TPPP3: variants seen among roughly 807,000 people sequenced by gnomAD.
The protein encoded by TPPP3 is tubulin polymerization-promoting protein family member 3.
TPPP3 carries 7 observed loss-of-function variants against 13.1 expected under a neutral mutation model. The observed-to-expected ratio is 0.54, with a 90% CI of 0.30 to 1.01. The LOEUF is 1.01. Among genes scored for constraint, TPPP3 ranks in the 50% least tolerant of loss-of-function variants. The probability of loss-of-function intolerance (pLI) is 0.06; values close to 1 mark genes in which losing one functional copy is unlikely to be tolerated. For missense variants in TPPP3, 185 were observed against 235.0 expected (o/e 0.79, Z 1.39); for synonymous variants, 87 against 93.7 (o/e 0.93, Z 0.41).
chr16:67,391,165 TC>T lies in TPPP3; in HGVS notation c.-6-49del. On this transcript the variant is annotated intron_variant, in intron 1 of 3. Transcript: ENST00000393957. This position sits in a 1 kb window ranked among gnomAD's most constrained non-coding sequence, Gnocchi z 6.3. ...TCTCCCAGCCAATCTGCCCTTCCCC[TC>T]CCCCAAGCCCAGAACATCCCAGCCT... The T allele has an allele frequency of 1.3e-6, 2 of 1,572,240 alleles. No individual in the cohort carries two copies. Among genetic ancestry groups the T allele is most frequent in the Non-Finnish European group, 8.7e-7 (1 of 1,151,458 alleles).
chr16:67,393,494 G>A lies in TPPP3; in HGVS notation c.-121C>T. On this transcript the variant is annotated 5_prime_UTR_variant, in exon 1 of 4. Transcript: ENST00000393957. This position sits in a 1 kb window ranked among gnomAD's most constrained non-coding sequence, Gnocchi z 5.4. The stretch of plus-strand genomic sequence containing the variant: ...TCCGCTCCCTGCCGGCTCCCGGGTG[G>A]GACTGCAGCCCAGGCGGCTCCGCCG... The A allele has an allele frequency of 1.0e-6, 1 of 985,524 alleles. No individual in the cohort carries two copies. The highest frequency in any genetic ancestry group is 1.2e-6 in the Non-Finnish European group (1 of 830,016). 61.0% of individuals were successfully genotyped at this position (985,524 alleles called of 1,614,324 possible). A position where few individuals can be genotyped will look rare whatever the true frequency, so the allele number is the denominator to read the frequency against.
chr16:67,393,068 C>A lies in TPPP3; in HGVS notation c.-7+312G>T. 1.0e-6 allele frequency: 1 copy of A among 981,770 alleles called. No individual in the cohort carries two copies. The highest frequency in any genetic ancestry group is 4.7e-5 in the South Asian group (1 of 21,218). The allele number at this position is 981,770 out of a possible 1,614,324, so 60.8% of individuals were successfully genotyped here. A position where few individuals can be genotyped will look rare whatever the true frequency, so the allele number is the denominator to read the frequency against. On this transcript the variant is annotated intron_variant, in intron 1 of 3. Coordinates refer to ENST00000393957, the MANE Select transcript of TPPP3 (RefSeq NM_015964.4). This position sits in a 1 kb window ranked among gnomAD's most constrained non-coding sequence, Gnocchi z 5.4. The stretch of plus-strand genomic sequence containing the variant: ...CGTGGAAAGATGGATTCTTGGTCAT[C>A]TCAGCGCGGTCAGGTGGCGCTGGGT...
chr16:67,392,674 C>T lies in TPPP3; in HGVS notation c.-7+706G>A, dbSNP rs151035082. On this transcript the variant is annotated intron_variant, in intron 1 of 3. Transcript: ENST00000393957. This position sits in a 1 kb window ranked among gnomAD's most constrained non-coding sequence, Gnocchi z 4.9. The stretch of plus-strand genomic sequence containing the variant: ...ACCACATCCCCCTCCTCCACTGCCA[C>T]CTCCTGACCACACCCTCGGTCTCAG... 2.3e-4 allele frequency among the ~76,000 whole-genome samples: 35 copies of T among 152,148 alleles called. No individual in the cohort carries two copies. The highest frequency in any genetic ancestry group is 8.4e-4 in the African/African-American group (35 of 41,428).
rs147728337 is a variant in TPPP3, at chr16:67,390,868, C to T, written c.188+56G>A. On this transcript the variant is annotated intron_variant, in intron 2 of 3. Transcript: ENST00000393957. The surrounding 1 kb of genome is among the most constrained non-coding windows in gnomAD (Gnocchi z 6.4). ...TTCTTGATGTCCTCCCTGGTTCCAG[C>T]CCCCCAGTTCCCCACCTCCTGGGAA... 9.5e-4 allele frequency: 1,482 copies of T among 1,564,474 alleles called. 16 individuals carry two copies. The African/African-American group carries it at 0.018, about 19-fold the overall frequency.
chr16:67,391,402 C>T lies in TPPP3; in HGVS notation c.-6-285G>A. ...CCCACAGGGAACAGAGTGGCACTGT[C>T]CAGAAAGACTGTTAGGGCAGCAGCT... On this transcript the variant is annotated intron_variant, in intron 1 of 3. Transcript: ENST00000393957. The surrounding 1 kb of genome is among the most constrained non-coding windows in gnomAD (Gnocchi z 6.3). 1 of 360,384 alleles carries T rather than the reference C, an allele frequency of 2.8e-6. No homozygotes were observed. The highest frequency in any genetic ancestry group is 2.1e-5 in the African/African-American group (1 of 48,432). The allele number at this position is 360,384 out of a possible 1,614,324, so 22.3% of individuals were successfully genotyped here.
rs1307767543 is a variant in TPPP3 at position 67,390,229 on chromosome 16, C to T, written c.476G>A (p.Gly159Asp). The change falls in exon 4 of 4, where the codon GGC becomes GAC. Residue 159 changes from glycine (G) to aspartate (D), a missense_variant. Gly to Asp is a moderately conservative substitution (Grantham distance 94). Transcript: ENST00000393957. The surrounding 1 kb of genome is among the most constrained non-coding windows in gnomAD (Gnocchi z 6.4). ...TGCATTCTTGTAGGCGCTCACGTAGCCACTGTCGTCCAGGATGTCCTGCCG... is the reference window on the plus strand; with the variant it reads ...TGCATTCTTGTAGGCGCTCACGTAGTCACTGTCGTCCAGGATGTCCTGCCG... ...AGRQDILDDS[G>D]YVSAYKNAGT... 2 of 1,614,128 alleles carry T rather than the reference C, an allele frequency of 1.2e-6. No individual in the cohort carries two copies. Among genetic ancestry groups the T allele is most frequent in the African/African-American group, 2.7e-5 (2 of 74,948 alleles).
rs748155801 is a variant in TPPP3 at position 67,390,464 on chromosome 16, C to T, written c.342+15G>A. 3.1e-6 allele frequency: 5 copies of T among 1,612,994 alleles called. No individual in the cohort carries two copies. In the South Asian group the frequency reaches 5.5e-5, roughly 18 times the overall value. On this transcript the variant is annotated intron_variant, in intron 3 of 3. Coordinates refer to ENST00000393957, the MANE Select transcript of TPPP3 (RefSeq NM_015964.4). This position sits in a 1 kb window ranked among gnomAD's most constrained non-coding sequence, Gnocchi z 6.4. ...ACCCCATTCCGTGGCCACCCGAGAC[C>T]AGCAGGGCACTTACAGTGACGCCCA...
In TPPP3 at chr16:67,392,157, C is replaced by T. The variant is rs1200145129; in HGVS notation, c.-6-1040G>A. Among the ~76,000 whole-genome samples the T allele has an allele frequency of 6.6e-6, 1 of 151,770 alleles. No individual in the cohort carries two copies. Among genetic ancestry groups the T allele is most frequent in the Non-Finnish European group, 1.5e-5 (1 of 67,900 alleles). The stretch of plus-strand genomic sequence containing the variant: ...ACCCTGTGCACTCAGCCCTGGCCTG[C>T]CACCCCCTGGGCCTTGTACCCCTGG... On this transcript the variant is annotated intron_variant, in intron 1 of 3. Coordinates refer to ENST00000393957, the MANE Select transcript of TPPP3 (RefSeq NM_015964.4). This position sits in a 1 kb window ranked among gnomAD's most constrained non-coding sequence, Gnocchi z 4.9.
Position 67,390,315 on chromosome 16 carries a change from T to C in TPPP3, c.390A>G (p.Arg130=). 2.5e-6 allele frequency: 4 copies of C among 1,614,140 alleles called. No homozygotes were observed. In the South Asian group the frequency reaches 4.4e-5, roughly 18 times the overall value. The stretch of plus-strand genomic sequence containing the variant: ...AGCGCTCCTTGTGGGAGCCCGTGTA[T>C]CTGCTGGTGTCCGTCAGCCGGTCTA... ...GAVDRLTDTS[R]YTGSHKERFD... Residue 130 remains arginine, a synonymous_variant, in exon 4 of 4, where the codon AGA becomes AGG. Transcript: ENST00000393957. The surrounding 1 kb of genome is among the most constrained non-coding windows in gnomAD (Gnocchi z 6.4).
In TPPP3 at chr16:67,391,092, A is replaced by G. The variant is rs1468303099; in HGVS notation, c.20T>C (p.Met7Thr). 1 of 1,614,126 alleles carries G rather than the reference A, an allele frequency of 6.2e-7. No individual in the cohort carries two copies. Among genetic ancestry groups the G allele is most frequent in the Non-Finnish European group, 8.5e-7 (1 of 1,180,002 alleles). Reference sequence around the variant, plus strand: ...GCGGAAGCTCTCCTCCAGCCCAGCCATGTCTGTGCTCGCTGCCATGCCACC... The same window carrying G: ...GCGGAAGCTCTCCTCCAGCCCAGCCGTGTCTGTGCTCGCTGCCATGCCACC... The part of the protein sequence containing the change: MAASTD[M>T]AGLEESFRKF... The change falls in exon 2 of 4, where the codon ATG becomes ACG. Residue 7 changes from methionine to threonine, a missense_variant. By Grantham distance (81) the Met-to-Thr change is moderately conservative (BLOSUM62 -1). Transcript: ENST00000393957. This position sits in a 1 kb window ranked among gnomAD's most constrained non-coding sequence, Gnocchi z 6.3.
At position 67,390,681 on chromosome 16, in the gene TPPP3, C is replaced by T. The variant is rs1351080895; in HGVS notation, c.189-49G>A. ...AGGGTTCCCCTTTCTTTTTTCTCCC[C>T]CAGGGGAAAGCTCAAACACATTTGC... On this transcript the variant is annotated intron_variant, in intron 2 of 3. Transcript: ENST00000393957. This position sits in a 1 kb window ranked among gnomAD's most constrained non-coding sequence, Gnocchi z 6.4. 1 of 1,571,162 alleles carries T rather than the reference C, an allele frequency of 6.4e-7. No homozygotes were observed. The highest frequency in any genetic ancestry group is 8.6e-7 in the Non-Finnish European group (1 of 1,163,798).
rs1318304559 is a variant in TPPP3, at chr16:67,390,478, C to G, written c.342+1G>C. ...CCACCCGAGACCAGCAGGGCACTTA[C>G]AGTGACGCCCACATTGGCTGGCTCT... is the stretch of plus-strand genomic sequence containing the variant. On this transcript the variant is annotated splice_donor_variant, in intron 3 of 3. Transcript: ENST00000393957. LOFTEE classifies it high-confidence loss of function. This position sits in a 1 kb window ranked among gnomAD's most constrained non-coding sequence, Gnocchi z 6.4. 4.3e-6 allele frequency: 7 copies of G among 1,613,472 alleles called. No homozygotes were observed. Among genetic ancestry groups the G allele is most frequent in the African/African-American group, 2.7e-5 (2 of 74,902 alleles).
At position 67,392,561 on chromosome 16, in the gene TPPP3, T is replaced by G. The variant is rs1411865491; in HGVS notation, c.-7+819A>C. Among the ~76,000 whole-genome samples, 1 of 152,108 alleles carries G rather than the reference T, an allele frequency of 6.6e-6. No individual in the cohort carries two copies. Among genetic ancestry groups the G allele is most frequent in the East Asian group, 1.9e-4 (1 of 5,188 alleles). On this transcript the variant is annotated intron_variant, in intron 1 of 3. Transcript: ENST00000393957. This position sits in a 1 kb window ranked among gnomAD's most constrained non-coding sequence, Gnocchi z 4.9. Reference sequence around the variant, plus strand: ...CAGCCCTCTGGCCACACCCTCAGCCTGCACTGAAGGCCCCAGTCCACATCC... The same window carrying G: ...CAGCCCTCTGGCCACACCCTCAGCCGGCACTGAAGGCCCCAGTCCACATCC...
rs1449334846 is a variant in TPPP3, at chr16:67,390,294, C to T, written c.411G>A (p.Glu137=). Residue 137 remains glutamate (E), a synonymous_variant, in exon 4 of 4, where the codon GAG becomes GAA. Transcript: ENST00000393957. This position sits in a 1 kb window ranked among gnomAD's most constrained non-coding sequence, Gnocchi z 6.4. Reference sequence around the variant, plus strand: ...TGCCCTTGCCGCTCTCATCGAAGCGCTCCTTGTGGGAGCCCGTGTATCTGC... The same window carrying T: ...TGCCCTTGCCGCTCTCATCGAAGCGTTCCTTGTGGGAGCCCGTGTATCTGC... The part of the protein sequence containing the change: ...DTSRYTGSHK[E]RFDESGKGKG... The T allele has an allele frequency of 1.9e-6, 3 of 1,614,110 alleles. No homozygotes were observed. The highest frequency in any genetic ancestry group is 3.3e-5 in the Admixed American group (2 of 60,012).
rs1238787085 is a variant in TPPP3, at chr16:67,390,555, C to T, written c.266G>A (p.Gly89Glu). ...ATCGAAGGCCTCCTCCTTGCTCTTC[C>T]CCTTGAATCTCTTGGTCGCCAGCTC... The part of the protein sequence containing the change: ...LEELATKRFK[G>E]KSKEEAFDAI... The change falls in exon 3 of 4, where the codon GGG becomes GAG. Residue 89 changes from glycine (G) to glutamate (E), a missense_variant. Coordinates refer to ENST00000393957, the MANE Select transcript of TPPP3 (RefSeq NM_015964.4). The surrounding 1 kb of genome is among the most constrained non-coding windows in gnomAD (Gnocchi z 6.4). 8 of 1,613,912 alleles carry T rather than the reference C, an allele frequency of 5.0e-6. No homozygotes were observed. The highest frequency in any genetic ancestry group is 6.8e-6 in the Non-Finnish European group (8 of 1,180,038).
Position 67,391,296 on chromosome 16 carries a change from A to C in TPPP3, c.-6-179T>G, listed in dbSNP as rs1597523459. 3.1e-6 allele frequency: 2 copies of C among 638,308 alleles called. No homozygotes were observed. Among genetic ancestry groups the C allele is most frequent in the East Asian group, 5.5e-5 (2 of 36,392 alleles). The allele number at this position is 638,308 out of a possible 1,614,324, so 39.5% of individuals were successfully genotyped here. On this transcript the variant is annotated intron_variant, in intron 1 of 3. Coordinates refer to ENST00000393957, the MANE Select transcript of TPPP3 (RefSeq NM_015964.4). This position sits in a 1 kb window ranked among gnomAD's most constrained non-coding sequence, Gnocchi z 6.3. ...TGTCGCCCTGGGCCACAGAGCCCCAAGGAAGAGCCCCGGGAGGCACGGTCT... is the reference window on the plus strand; with the variant it reads ...TGTCGCCCTGGGCCACAGAGCCCCACGGAAGAGCCCCGGGAGGCACGGTCT...
At position 67,390,307 on chromosome 16, in the gene TPPP3, C is replaced by T; in HGVS notation, c.398G>A (p.Gly133Asp). The change falls in exon 4 of 4, where the codon GGC becomes GAC. Residue 133 changes from glycine to aspartate, a missense_variant. Gly to Asp is a moderately conservative substitution (Grantham distance 94). Transcript: ENST00000393957. The surrounding 1 kb of genome is among the most constrained non-coding windows in gnomAD (Gnocchi z 6.4). ...CTCATCGAAGCGCTCCTTGTGGGAG[C>T]CCGTGTATCTGCTGGTGTCCGTCAG... ...DRLTDTSRYT[G>D]SHKERFDESG... 3 of 1,614,214 alleles carry T rather than the reference C, an allele frequency of 1.9e-6. No homozygotes were observed. The highest frequency in any genetic ancestry group is 2.5e-6 in the Non-Finnish European group (3 of 1,180,028).
At position 67,391,302 on chromosome 16, in the gene TPPP3, AG is replaced by A. The variant is rs2040325869; in HGVS notation, c.-6-186del. On this transcript the variant is annotated intron_variant, in intron 1 of 3. Transcript: ENST00000393957. This position sits in a 1 kb window ranked among gnomAD's most constrained non-coding sequence, Gnocchi z 6.3. ...CCTGGGCCACAGAGCCCCAAGGAAG[AG>A]CCCCGGGAGGCACGGTCTTGTCACT... 1 of 620,736 alleles carries A rather than the reference AG, an allele frequency of 1.6e-6. No individual in the cohort carries two copies. The highest frequency in any genetic ancestry group is 2.8e-6 in the Non-Finnish European group (1 of 357,700). The allele number at this position is 620,736 out of a possible 1,614,324, so 38.5% of individuals were successfully genotyped here. A position where few individuals can be genotyped will look rare whatever the true frequency, so the allele number is the denominator to read the frequency against.
Position 67,393,145 on chromosome 16 carries a change from CGTG to C in TPPP3, c.-7+232_-7+234del, listed in dbSNP as rs2040349957. On this transcript the variant is annotated intron_variant, in intron 1 of 3. Coordinates refer to ENST00000393957, the MANE Select transcript of TPPP3 (RefSeq NM_015964.4). The surrounding 1 kb of genome is among the most constrained non-coding windows in gnomAD (Gnocchi z 5.4). Reference sequence around the variant, plus strand: ...AGGCCATGGATGGAGTGGCCACACCCGTGAACTGGAGCCACCCGTCCCGCTCCC... The same window carrying C: ...AGGCCATGGATGGAGTGGCCACACCCAACTGGAGCCACCCGTCCCGCTCCC... 4.3e-6 allele frequency: 3 copies of C among 705,154 alleles called. No individual in the cohort carries two copies. Among genetic ancestry groups the C allele is most frequent in the Middle Eastern group, 7.3e-4 (1 of 1,368 alleles). The allele number at this position is 705,154 out of a possible 1,614,324, so 43.7% of individuals were successfully genotyped here.
Sources: gnomAD v4.1 joint callset for allele counts (sites outside exome capture counted in the v4.1 genomes callset) on GRCh38, gnomAD v4.1.1 for gene constraint, Gnocchi (gnomAD v3.1) non-coding constraint, MANE v1.5 for transcripts, NCBI Gene and HGNC (gene_info 2026-07-23, HGNC 2026-07-21) for gene names.